Variants in MIGA1 observed in about 807,000 individuals in gnomAD.
The protein encoded by MIGA1 is mitoguardin 1, also known as family with sequence similarity 73, member A.
A neutral mutation model predicts 82.0 loss-of-function variants in MIGA1; 58 were observed. That is an observed-to-expected ratio of 0.71 (90% CI 0.57 to 0.88). The LOEUF (loss-of-function observed/expected upper bound fraction) is 0.88. MIGA1 is among the 40% of genes least tolerant of loss of function. The probability of loss-of-function intolerance (pLI) is 0.00; values close to 1 mark genes in which losing one functional copy is unlikely to be tolerated. For synonymous variants in MIGA1, 249 were observed against 253.6 expected (o/e 0.98, Z 0.17); for missense variants, 751 against 749.1 (o/e 1.00, Z -0.03).
intron 7 of MIGA1, among the ~76,000 whole-genome samples, chr1:77,823,179 A>G (rs1016553010): frequency 5.3e-5 from 8 of 152,114 alleles, no homozygotes; most frequent in East Asian, 1.9e-4. Flanking sequence ...GTAGATAACA[A>G]TGAATTTATT....
chr1:77,854,433 G>T (rs1439656741), intron 8 of MIGA1, among the ~76,000 whole-genome samples: 2 of 152,164 alleles, frequency 1.3e-5, no homozygotes, highest in African/African-American at 4.8e-5. Flanking sequence ...GGGCTTGCCG[G>T]ATCAAATGGT....
Position 77,815,133 on chromosome 1 carries a change from A to T in MIGA1, c.797A>T (p.His266Leu), listed in dbSNP as rs1265535873. 6.3e-7 allele frequency: 1 copy of T among 1,597,894 alleles called. No individual in the cohort carries two copies. The change falls in exon 7 of 16, where the codon CAT (histidine) becomes CTT (leucine). Residue 266 changes from histidine to leucine, a missense_variant. By Grantham distance (99) the His-to-Leu change is moderately conservative. Coordinates refer to ENST00000370791, the MANE Select transcript of MIGA1 (RefSeq NM_198549.4). Reference sequence around the variant, plus strand: ...GATATTATTAGTACTGAATTTATCCATAAACTCGAAGCTCTGCTGCAAAGA... The same window carrying T: ...GATATTATTAGTACTGAATTTATCCTTAAACTCGAAGCTCTGCTGCAAAGA...
chr1:77,817,832 G>A (rs1240762227), intron 7 of MIGA1, among the ~76,000 whole-genome samples: 2 of 152,224 alleles, frequency 1.3e-5, no homozygotes, highest in South Asian at 2.1e-4. Context: ...GGCTCGGGGC[G>A]AATGTAAACC....
At chr1:77,869,957 C>T (rs1211747731) in intron 14 of MIGA1, among the ~76,000 whole-genome samples, 3 of 134,934 alleles carry the variant, frequency 2.2e-5, no homozygotes, top group African/African-American at 5.6e-5. Context: ...GCTGGCCGGG[C>T]GGGGGGCTGA....
At chr1:77,793,347 T>C (rs1323024744) in intron 2 of MIGA1, among the ~76,000 whole-genome samples, 1 of 151,586 alleles carries the variant, frequency 6.6e-6, no homozygotes. Context: ...AAGCAGTCTG[T>C]CCGCTTTGGC....
chr1:77,872,831 C>T (rs577108132), intron 14 of MIGA1, among the ~76,000 whole-genome samples, 173 bp from the exon 15 acceptor site: 40 of 152,194 alleles, frequency 2.6e-4, no homozygotes, highest in Admixed American at 2.6e-3. Flanking sequence ...ATGCTAAAGC[C>T]GGGGGATTGC....
chr1:77,827,178 G>A (rs970158025), intron 7 of MIGA1, among the ~76,000 whole-genome samples: 3 of 151,846 alleles, frequency 2.0e-5, no homozygotes, highest in East Asian at 1.9e-4. Flanking sequence ...CACGATCTCC[G>A]CTCACTGCCT....
intron 7 of MIGA1, among the ~76,000 whole-genome samples, chr1:77,824,132 A>G (rs1683942467): frequency 2.0e-5 from 3 of 152,252 alleles, no homozygotes; most frequent in South Asian, 4.1e-4. Flanking sequence ...TATTAGAACT[A>G]ATGCTGAGAA....
At chr1:77,801,532 G>A (rs772118680) in intron 3 of MIGA1, 24 bp downstream of exon 3, 13 of 1,548,118 alleles carry the variant, frequency 8.4e-6, no homozygotes, top group Admixed American at 2.3e-5. Flanking sequence ...GTTGAAGTAA[G>A]TGTACAAAAG....
chr1:77,813,974 T>C, intron 6 of MIGA1, 107 bp downstream of exon 6: 2 of 1,172,876 alleles, frequency 1.7e-6, no homozygotes, highest in Non-Finnish European at 2.4e-6. Context: ...AGGCTGAGTC[T>C]TGAACTCCTG....
intron 12 of MIGA1, 36 bp from the exon 13 acceptor site, chr1:77,863,855 GTAA>G (rs956727135): frequency 1.4e-5 from 20 of 1,426,230 alleles, no homozygotes; most frequent in Non-Finnish European, 1.9e-5. Context: ...TCAGCTCTAT[GTAA>G]TAATAATTTC....
Position 77,879,483 on chromosome 1 carries a change from A to G in MIGA1, c.*4419A>G, listed in dbSNP as rs946154909. The G allele has an allele frequency of 6.6e-6, 1 of 152,202 alleles. No homozygotes were observed. The highest frequency in any genetic ancestry group is 1.5e-5 in the Non-Finnish European group (1 of 68,038). 9.4% of individuals were successfully genotyped at this position (152,202 alleles called of 1,614,324 possible). ...AAAAATTGCACTGGCTCTTTAGCCAAAATAAGCACTGTAACATGGATGTAT... is the reference window on the plus strand; with the variant it reads ...AAAAATTGCACTGGCTCTTTAGCCAGAATAAGCACTGTAACATGGATGTAT... On this transcript the variant is annotated 3_prime_UTR_variant, in exon 16 of 16. Transcript: ENST00000370791.
intron 7 of MIGA1, among the ~76,000 whole-genome samples, chr1:77,841,599 A>G (rs571986552): frequency 2.6e-5 from 4 of 151,462 alleles, no homozygotes; most frequent in African/African-American, 9.7e-5. Flanking sequence ...TCCTGGGTAG[A>G]GTCACAAGTT....
chr1:77,857,329 T>G (rs1007528013), intron 8 of MIGA1, among the ~76,000 whole-genome samples: 2 of 152,020 alleles, frequency 1.3e-5, no homozygotes, highest in African/African-American at 4.8e-5. Context: ...TTGGTTTTTT[T>G]TTTTTTGTTT....
intron 8 of MIGA1, among the ~76,000 whole-genome samples, chr1:77,857,726 G>GC (rs1553226059): frequency 9.0e-6 from 1 of 110,972 alleles, no homozygotes; most frequent in Admixed American, 9.9e-5. Flanking sequence ...CTGGGTTGTT[G>GC]TTTTTTTTTT....
rs1684894638 is a variant in MIGA1, at chr1:77,847,636, T to G, written c.996+4229T>G. On this transcript the variant is annotated intron_variant, in intron 8 of 15. Coordinates refer to ENST00000370791, the MANE Select transcript of MIGA1 (RefSeq NM_198549.4). Reference sequence around the variant, plus strand: ...GAAAGAAAAAAGAGGGCTGCTGCGCTGGAAGCGTGTTTGGATGTAACCAAG... The same window carrying G: ...GAAAGAAAAAAGAGGGCTGCTGCGCGGGAAGCGTGTTTGGATGTAACCAAG... 1.7e-5 allele frequency: 27 copies of G among 1,558,674 alleles called. 1 individual carries two copies. The South Asian group carries it at 2.8e-4, about 16-fold the overall frequency.
intron 8 of MIGA1, among the ~76,000 whole-genome samples, chr1:77,844,113 A>AAAAAAAAAT (rs1296124524): frequency 4.1e-4 from 37 of 90,142 alleles, no homozygotes; most frequent in Non-Finnish European, 6.2e-4. Context: ...AAAAAAAAAA[A>AAAAAAAAAT]ATATATATAT....
At chr1:77,783,204 G>C (rs773761569) in intron 1 of MIGA1, 34 bp from the exon 2 acceptor site, 2 of 1,411,176 alleles carry the variant, frequency 1.4e-6, no homozygotes, top group East Asian at 2.3e-5. Context: ...AGAAATCTTT[G>C]TGGCTAATTT....
intron 14 of MIGA1, among the ~76,000 whole-genome samples, chr1:77,870,235 C>T (rs1685900250): frequency 7.9e-6 from 1 of 126,972 alleles, no homozygotes; most frequent in African/African-American, 2.8e-5. Context: ...CCCCCCCCAC[C>T]TCCCTCCCGG....
Sources: gnomAD v4.1 joint callset for allele counts (sites outside exome capture counted in the v4.1 genomes callset) on GRCh38, gnomAD v4.1.1 for gene constraint, MANE v1.5 for transcripts, NCBI Gene and HGNC (gene_info 2026-07-23, HGNC 2026-07-21) for gene names.